The following CTNND2 variants were observed in gnomAD, a reference collection of about 807,000 sequenced individuals.
CTNND2 encodes catenin delta 2, also known as catenin delta-2.
CTNND2 carries 22 observed loss-of-function variants against 144.4 expected under a neutral mutation model. That is an observed-to-expected ratio of 0.15 (90% CI 0.11 to 0.22). CTNND2 has a LOEUF of 0.22. Among genes scored for constraint, CTNND2 ranks in the 10% least tolerant of loss-of-function variants. The probability of loss-of-function intolerance (pLI) is 1.00; values close to 1 mark genes in which losing one functional copy is unlikely to be tolerated. For synonymous variants in CTNND2, 751 were observed against 695.6 expected, an observed-to-expected ratio of 1.08 and a Z score of -1.25; for missense variants, 1,353 against 1,618.8, an observed-to-expected ratio of 0.84 and a Z score of 2.82.
At chr5:11,875,569 T>C (rs747415232) in intron 1 of CTNND2, among the ~76,000 whole-genome samples, 2 of 152,044 alleles carry the variant, frequency 1.3e-5, no homozygotes, top group East Asian at 1.9e-4. Flanking sequence ...GTCGTGAGGG[T>C]TGGGCCCTCA....
At chr5:11,871,434 G>C (rs1044801525) in intron 1 of CTNND2, among the ~76,000 whole-genome samples, 1 of 152,060 alleles carries the variant, frequency 6.6e-6, no homozygotes, top group Non-Finnish European at 1.5e-5. Context: ...GTTAATATTC[G>C]TAAAGGACTT....
chr5:11,520,537 G>A (rs1417850508), intron 3 of CTNND2, among the ~76,000 whole-genome samples: 1 of 152,216 alleles, frequency 6.6e-6, no homozygotes, highest in Non-Finnish European at 1.5e-5. Flanking sequence ...CCTTTCACAA[G>A]TGTTTCTGAG....
intron 1 of CTNND2, among the ~76,000 whole-genome samples, chr5:11,778,000 C>T (rs1391463123): frequency 6.6e-6 from 1 of 152,084 alleles, no homozygotes; most frequent in African/African-American, 2.4e-5. Flanking sequence ...TGTGCCACTT[C>T]GTGCACTACT....
chr5:11,828,905 T>C (rs1652249610), intron 1 of CTNND2, among the ~76,000 whole-genome samples: 1 of 152,088 alleles, frequency 6.6e-6, no homozygotes, highest in South Asian at 2.1e-4. Context: ...TTGCCCAAAA[T>C]GCTGATAATG....
intron 9 of CTNND2, among the ~76,000 whole-genome samples, chr5:11,273,513 T>A (rs1329627242): frequency 6.6e-6 from 1 of 152,334 alleles, no homozygotes; most frequent in South Asian, 2.1e-4. Context: ...TTTGCATTTA[T>A]TTTATTAAGT....
At chr5:11,894,164 T>C (rs1417802162) in intron 1 of CTNND2, among the ~76,000 whole-genome samples, 1 of 152,104 alleles carries the variant, frequency 6.6e-6, no homozygotes, top group African/African-American at 2.4e-5. Flanking sequence ...AAAACTGTTC[T>C]GATAAAGCCT....
chr5:11,663,277 T>A (rs139299493), intron 2 of CTNND2, among the ~76,000 whole-genome samples: 6 of 152,306 alleles, frequency 3.9e-5, no homozygotes, highest in African/African-American at 1.2e-4. Flanking sequence ...ATTAGATTGA[T>A]CTATATTAAA....
intron 12 of CTNND2, among the ~76,000 whole-genome samples, chr5:11,120,581 ACATAGACT>A: frequency 9.5e-6 from 1 of 104,858 alleles, no homozygotes; most frequent in Non-Finnish European, 1.8e-5. Flanking sequence ...CTCAGTATAC[ACATAGACT>A]TCAAGAGGGG....
At chr5:11,834,004 A>C (rs552795744) in intron 1 of CTNND2, among the ~76,000 whole-genome samples, 71 of 152,330 alleles carry the variant, frequency 4.7e-4, no homozygotes, top group African/African-American at 1.6e-3. Flanking sequence ...TGAGATCAAA[A>C]GGCCTAAGTC....
chr5:11,320,776 G>A (rs548690988), intron 9 of CTNND2, among the ~76,000 whole-genome samples: 4 of 152,156 alleles, frequency 2.6e-5, no homozygotes, highest in Non-Finnish European at 5.9e-5. Context: ...CCCACAACAC[G>A]TGGGAGGTAT....
At chr5:11,365,424 A>C (rs535913820) in intron 7 of CTNND2, among the ~76,000 whole-genome samples, 5 of 152,202 alleles carry the variant, frequency 3.3e-5, no homozygotes, top group Non-Finnish European at 5.9e-5. Flanking sequence ...CCCCGAGAGA[A>C]GCAGATATTA....
intron 10 of CTNND2, among the ~76,000 whole-genome samples, chr5:11,225,253 A>G (rs1561049540): frequency 6.6e-6 from 1 of 152,196 alleles, no homozygotes; most frequent in Non-Finnish European, 1.5e-5. Context: ...ACCTCTACCA[A>G]TGATAATTCT....
At chr5:11,773,668 G>A (rs1398044639) in intron 1 of CTNND2, among the ~76,000 whole-genome samples, 1 of 152,100 alleles carries the variant, frequency 6.6e-6, no homozygotes, top group East Asian at 1.9e-4. Context: ...AAATCAGCCG[G>A]GTGTGGTGGT....
rs181555656 is a variant in CTNND2, at chr5:11,381,734, G to A, written c.1177+2931C>T. Reference sequence around the variant, plus strand: ...TGTAATCCCAGCACTTTGGGAGGCCGAGGCGGGCAGATCACGAGGTCAGGA... The same window carrying A: ...TGTAATCCCAGCACTTTGGGAGGCCAAGGCGGGCAGATCACGAGGTCAGGA... On this transcript the variant is annotated intron_variant, in intron 7 of 21. Transcript: ENST00000304623. Among the ~76,000 whole-genome samples the A allele has an allele frequency of 6.8e-4, 103 of 152,250 alleles. No individual in the cohort carries two copies. In the East Asian group the frequency reaches 0.016, roughly 24 times the overall value.
In CTNND2 at chr5:11,903,969, G is replaced by T; in HGVS notation, c.-116C>A. The T allele has an allele frequency of 8.3e-7, 1 of 1,202,710 alleles. No individual in the cohort carries two copies. Among genetic ancestry groups the T allele is most frequent in the South Asian group, 2.7e-5 (1 of 37,310 alleles). The allele number at this position is 1,202,710 out of a possible 1,614,324, so 74.5% of individuals were successfully genotyped here. A position where few individuals can be genotyped will look rare whatever the true frequency, so the allele number is the denominator to read the frequency against. On this transcript the variant is annotated 5_prime_UTR_variant, in exon 1 of 22. Coordinates refer to ENST00000304623, the MANE Select transcript of CTNND2 (RefSeq NM_001332.4). The surrounding 1 kb of genome is among the most constrained non-coding windows in gnomAD (Gnocchi z 5.4). ...GCAGCATCTTCCGCTTTTGTTGTCT[G>T]AGCGCGGCCGCGGGACAAGGGATGC...
intron 3 of CTNND2, among the ~76,000 whole-genome samples, chr5:11,489,917 C>T (rs1769229632): frequency 6.6e-6 from 1 of 152,152 alleles, no homozygotes; most frequent in Non-Finnish European, 1.5e-5. Flanking sequence ...ATTCCAATGC[C>T]TCTTGCCTCC....
At chr5:11,544,174 T>A (rs1312875228) in intron 3 of CTNND2, among the ~76,000 whole-genome samples, 2 of 151,388 alleles carry the variant, frequency 1.3e-5, no homozygotes, top group African/African-American at 4.8e-5. Context: ...AAGGCAGATT[T>A]TTTTTTTCTT....
intron 2 of CTNND2, among the ~76,000 whole-genome samples, chr5:11,651,992 G>A (rs1044983074): frequency 6.6e-6 from 1 of 152,146 alleles, no homozygotes; most frequent in Non-Finnish European, 1.5e-5. Context: ...AGACTTGGGG[G>A]ACTGTTGAGA....
chr5:11,147,812 T>C (rs942422660), intron 12 of CTNND2, among the ~76,000 whole-genome samples: 1 of 152,150 alleles, frequency 6.6e-6, no homozygotes, highest in African/African-American at 2.4e-5. Context: ...TTTCAAAAAG[T>C]GATACAGAGT....
Sources: gnomAD v4.1 joint callset for allele counts (sites outside exome capture counted in the v4.1 genomes callset) on GRCh38, gnomAD v4.1.1 for gene constraint, Gnocchi (gnomAD v3.1) non-coding constraint, MANE v1.5 for transcripts, NCBI Gene and HGNC (gene_info 2026-07-23, HGNC 2026-07-21) for gene names.